The following STK32C variants were observed in gnomAD, a reference collection of about 807,000 sequenced individuals.
STK32C encodes serine/threonine-protein kinase 32C.
In STK32C, 31 loss-of-function variants were observed where a neutral mutation model predicts 56.5. The ratio of observed to expected loss-of-function variants is 0.55; its 90% CI spans 0.41 to 0.74. STK32C has a LOEUF of 0.74. Among genes scored for constraint, STK32C ranks in the 30% least tolerant of loss-of-function variants. STK32C has a pLI of 0.00. For missense variants in STK32C, 544 were observed against 676.9 expected (o/e 0.80, Z 2.18); for synonymous variants, 309 against 289.4 (o/e 1.07, Z -0.69).
chr10:132,225,419 C>T (rs777029140), intron 6 of STK32C, 83 bp from the exon 7 acceptor site: 2 of 1,584,600 alleles, frequency 1.3e-6, no homozygotes, highest in South Asian at 1.1e-5. Context: ...CTTGAGGCCA[C>T]ATCCCGAGAC....
At chr10:132,213,301 A>G (rs1224706137) in intron 10 of STK32C, among the ~76,000 whole-genome samples, 1 of 152,208 alleles carries the variant, frequency 6.6e-6, no homozygotes, top group Non-Finnish European at 1.5e-5. Flanking sequence ...CAAGACTGAG[A>G]TTTGGTCACA....
At chr10:132,300,223 G>C (rs2065872083) in intron 1 of STK32C, among the ~76,000 whole-genome samples, 1 of 152,222 alleles carries the variant, frequency 6.6e-6, no homozygotes, top group African/African-American at 2.4e-5. Context: ...GTGAGAAATG[G>C]AATGTGCTCG....
intron 1 of STK32C, among the ~76,000 whole-genome samples, chr10:132,305,489 A>G (rs2066030943): frequency 6.6e-6 from 1 of 152,238 alleles, no homozygotes; most frequent in African/African-American, 2.4e-5. Flanking sequence ...GCAACCGTGC[A>G]GATTCAGTAA....
chr10:132,212,822 A>G (rs929435537), intron 10 of STK32C, among the ~76,000 whole-genome samples: 2 of 152,212 alleles, frequency 1.3e-5, no homozygotes, highest in African/African-American at 4.8e-5. Context: ...AAAATCAATG[A>G]CTTTTCCTGG....
chr10:132,311,095 C>T (rs1479279193), upstream of STK32C, among the ~76,000 whole-genome samples: 2 of 152,204 alleles, frequency 1.3e-5, no homozygotes, highest in African/African-American at 2.4e-5. This position sits in a 1 kb window ranked among gnomAD's most constrained non-coding sequence, Gnocchi z 4.4. Context: ...CATAAAGCCA[C>T]GCCTCCTGAG....
intron 1 of STK32C, among the ~76,000 whole-genome samples, chr10:132,262,925 TAA>T (rs34647516): frequency 0.23 from 35,096 of 151,976 alleles, 4,824 homozygotes; most frequent in Non-Finnish European, 0.33. Flanking sequence ...CGACTGTTAT[TAA>T]AAAGTCATAA....
intron 1 of STK32C, among the ~76,000 whole-genome samples, chr10:132,246,694 G>A (rs1211080046): frequency 6.6e-6 from 1 of 152,180 alleles, no homozygotes; most frequent in East Asian, 1.9e-4. Context: ...TCACACCAAG[G>A]AAAGGGATTC....
chr10:132,327,369 T>C (rs1222154649), intron 1 of STK32C, among the ~76,000 whole-genome samples: 1 of 152,210 alleles, frequency 6.6e-6, no homozygotes, highest in Non-Finnish European at 1.5e-5. Flanking sequence ...CCTTTTTTTC[T>C]TCCCAGTCTT....
chr10:132,321,180 C>T (rs2066400436), downstream of STK32C, among the ~76,000 whole-genome samples: 1 of 152,186 alleles, frequency 6.6e-6, no homozygotes, highest in Admixed American at 6.5e-5. Flanking sequence ...CGTCTTGCAC[C>T]TTTGCATGTT....
chr10:132,296,067 G>C (rs1333451136), intron 1 of STK32C, among the ~76,000 whole-genome samples: 1 of 148,926 alleles, frequency 6.7e-6, no homozygotes, highest in Non-Finnish European at 1.5e-5. Context: ...GCATCGGCAG[G>C]AAGGTGTGTG....
chr10:132,224,362 A>G, intron 8 of STK32C, 45 bp downstream of exon 8: 10 of 1,391,290 alleles, frequency 7.2e-6, no homozygotes, highest in Non-Finnish European at 9.0e-6. Flanking sequence ...TGAGGGAGGG[A>G]GGTGGGTGCT....
intron 1 of STK32C, among the ~76,000 whole-genome samples, chr10:132,304,061 T>A (rs1264945203): frequency 1.3e-5 from 2 of 152,210 alleles, no homozygotes; most frequent in Non-Finnish European, 2.9e-5. Flanking sequence ...CACGGACCCC[T>A]TTGCCTGAGC....
intron 1 of STK32C, chr10:132,324,454 T>C (rs2066461273): frequency 1.5e-6 from 1 of 686,416 alleles, no homozygotes; most frequent in South Asian, 1.6e-5. Flanking sequence ...AGTTGTCACA[T>C]TGTATGATGA....
intron 1 of STK32C, among the ~76,000 whole-genome samples, chr10:132,273,605 A>C (rs2064901039): frequency 6.6e-6 from 1 of 152,190 alleles, no homozygotes; most frequent in Admixed American, 6.5e-5. Context: ...TGAATGAGTG[A>C]AGGAGTTACT....
At chr10:132,254,486 C>T (rs547229743) in intron 1 of STK32C, among the ~76,000 whole-genome samples, 4 of 147,586 alleles carry the variant, frequency 2.7e-5, no homozygotes, top group East Asian at 2.0e-4. Context: ...GCACCCTCCA[C>T]GAAGGCTGCC....
chr10:132,220,357 C>A (rs925471250), intron 10 of STK32C, among the ~76,000 whole-genome samples: 1 of 152,218 alleles, frequency 6.6e-6, no homozygotes, highest in Admixed American at 6.5e-5. Flanking sequence ...AGAGGGGGCA[C>A]GGCTTTGCTG....
At chr10:132,250,749 G>A (rs968649587) in intron 1 of STK32C, among the ~76,000 whole-genome samples, 1 of 152,238 alleles carries the variant, frequency 6.6e-6, no homozygotes, top group Non-Finnish European at 1.5e-5. Context: ...AACCTTCCAC[G>A]TCTCCGCCTG....
At chr10:132,288,834 GTTC>G (rs2065487653) in intron 1 of STK32C, among the ~76,000 whole-genome samples, 1 of 152,136 alleles carries the variant, frequency 6.6e-6, no homozygotes, top group African/African-American at 2.4e-5. Context: ...GATGTACCAT[GTTC>G]ATGGATTGAA....
At chr10:132,324,408 A>C (rs1197334465) in intron 1 of STK32C, 4 of 760,792 alleles carry the variant, frequency 5.3e-6, no homozygotes, top group Middle Eastern at 2.3e-4. Context: ...TTCACTTTGC[A>C]GTCTGAACTC....
Sources: allele counts gnomAD v4.1 joint callset (sites outside exome capture counted in the v4.1 genomes callset), GRCh38; gene constraint gnomAD v4.1.1; non-coding constraint Gnocchi (gnomAD v3.1); transcripts MANE v1.5; gene names NCBI Gene and HGNC (gene_info 2026-07-23, HGNC 2026-07-21).